Variants in STARD9 observed in about 807,000 individuals in gnomAD.
STARD9 encodes the protein stAR-related lipid transfer protein 9.
In STARD9, 346 loss-of-function variants were observed where a neutral mutation model predicts 399.8. The ratio of observed to expected loss-of-function variants is 0.87; its 90% CI spans 0.79 to 0.95. The LOEUF is 0.95. STARD9 is among the 40% of genes least tolerant of loss of function. STARD9 has a pLI of 0.00. For missense variants in STARD9, 5,832 were observed against 5,667.5 expected (o/e 1.03, Z -0.93); for synonymous variants, 2,203 against 2,143.5 (o/e 1.03, Z -0.77).
chr15:42,577,450 G>A (rs2058081372), intron 1 of STARD9, among the ~76,000 whole-genome samples: 1 of 152,212 alleles, frequency 6.6e-6, no homozygotes. Flanking sequence ...ACTGCGCCCA[G>A]CCGGACACTA....
At chr15:42,676,117 A>T in intron 20 of STARD9, 142 bp downstream of exon 20, 2 of 692,462 alleles carry the variant, frequency 2.9e-6, no homozygotes, top group Non-Finnish European at 4.9e-6. Context: ...CAACTTGGGC[A>T]AGTCATTTGA....
At chr15:42,657,222 T>C (rs2142012263) in intron 9 of STARD9, among the ~76,000 whole-genome samples, 1 of 151,894 alleles carries the variant, frequency 6.6e-6, no homozygotes, top group South Asian at 2.1e-4. Flanking sequence ...TAGCCAGGCA[T>C]GGTGGTGAGC....
chr15:42,624,438 T>C (rs1222284325), intron 3 of STARD9, among the ~76,000 whole-genome samples: 2 of 148,340 alleles, frequency 1.3e-5, no homozygotes, highest in East Asian at 3.9e-4. Context: ...GAACATTAGA[T>C]ATATTATCTA....
At chr15:42,657,360 CAA>C (rs34831398) in intron 9 of STARD9, among the ~76,000 whole-genome samples, 3 of 101,528 alleles carry the variant, frequency 3.0e-5, no homozygotes, top group African/African-American at 3.0e-5. Context: ...GATTCCGTCT[CAA>C]AAAAAAAAAA....
intron 1 of STARD9, chr15:42,581,538 C>G: frequency 2.4e-6 from 3 of 1,262,968 alleles, no homozygotes; most frequent in Non-Finnish European, 3.4e-6. Flanking sequence ...GCGGCGGCGC[C>G]GGGCCGGTCT....
chr15:42,644,097 C>T (rs573332319), intron 7 of STARD9, among the ~76,000 whole-genome samples: 2 of 152,060 alleles, frequency 1.3e-5, no homozygotes, highest in African/African-American at 4.8e-5. Context: ...CACAATAAAG[C>T]AAAAATCAAA....
chr15:42,690,690 G>T lies in STARD9; in HGVS notation c.9112G>T (p.Glu3038Ter). 6.5e-7 allele frequency: 1 copy of T among 1,537,226 alleles called. No individual in the cohort carries two copies. Among genetic ancestry groups the T allele is most frequent in the Non-Finnish European group, 8.7e-7 (1 of 1,146,902 alleles). ...KDVNREFRLT[E>*]SSTCEPSTVA... Reference sequence around the variant, plus strand: ...TGTTAACAGGGAATTTAGGCTAACAGAGAGCAGCACTTGTGAGCCTTCTAC... The same window carrying T: ...TGTTAACAGGGAATTTAGGCTAACATAGAGCAGCACTTGTGAGCCTTCTAC... Residue 3038 changes from glutamate to a stop codon, truncating the protein, a stop_gained, in exon 23 of 33, where the codon GAG (glutamate) becomes TAG (stop). Transcript: ENST00000290607. LOFTEE classifies it high-confidence loss of function.
At chr15:42,603,851 A>G (rs1404517607) in intron 3 of STARD9, among the ~76,000 whole-genome samples, 1 of 152,024 alleles carries the variant, frequency 6.6e-6, no homozygotes, top group Non-Finnish European at 1.5e-5. Context: ...AAATACTTCA[A>G]TTCCTATCTT....
chr15:42,694,233 C>G lies in STARD9; in HGVS notation c.12655C>G (p.His4219Asp). The G allele has an allele frequency of 2.6e-6, 4 of 1,534,842 alleles. No individual in the cohort carries two copies. The highest frequency in any genetic ancestry group is 1.4e-5 in the African/African-American group (1 of 73,140). Residue 4219 changes from histidine (H) to aspartate (D), a missense_variant, in exon 23 of 33, where the codon CAT (histidine) becomes GAT (aspartate). His to Asp is a moderately conservative substitution (Grantham distance 81). This residue lies in a region of STARD9 where 5,828 missense variants were observed against 5,651.1 expected (regional missense o/e 1.03). Transcript: ENST00000290607. ...SVELTEAKLH[H>D]GFGEADALLQ... The stretch of plus-strand genomic sequence containing the variant: ...GGAACTCACAGAAGCGAAACTGCAC[C>G]ATGGCTTTGGGGAGGCCGATGCCCT...
At chr15:42,683,497 G>A (rs1238184227) in intron 22 of STARD9, among the ~76,000 whole-genome samples, 3 of 151,718 alleles carry the variant, frequency 2.0e-5, no homozygotes, top group Non-Finnish European at 4.4e-5. Flanking sequence ...CAATGTTATT[G>A]TGACAGCTAC....
At chr15:42,582,572 T>C (rs1294721001) in intron 1 of STARD9, among the ~76,000 whole-genome samples, 2 of 152,302 alleles carry the variant, frequency 1.3e-5, no homozygotes, top group East Asian at 1.9e-4. Context: ...TTGAGAAATA[T>C]ATTCTCAGGG....
intron 3 of STARD9, among the ~76,000 whole-genome samples, chr15:42,592,236 G>T (rs764325272): frequency 6.6e-6 from 1 of 152,150 alleles, no homozygotes; most frequent in South Asian, 2.1e-4. Flanking sequence ...TTGAACACAG[G>T]ATCATCTGAC....
intron 3 of STARD9, among the ~76,000 whole-genome samples, chr15:42,624,983 T>A (rs150050265): frequency 2.3e-3 from 346 of 152,332 alleles, no homozygotes; most frequent in Non-Finnish European, 3.8e-3. Flanking sequence ...CCCATAGAGA[T>A]AAGTAATATT....
chr15:42,643,913 GTTTC>G (rs1466783158), intron 7 of STARD9, among the ~76,000 whole-genome samples: 2 of 152,056 alleles, frequency 1.3e-5, no homozygotes, highest in Non-Finnish European at 2.9e-5. Flanking sequence ...TTAGAAGTGT[GTTTC>G]TTTATTTTTT....
Position 42,575,606 on chromosome 15 carries a change from A to G in STARD9, c.-110A>G. The G allele has an allele frequency of 8.0e-7, 1 of 1,249,166 alleles. No homozygotes were observed. Among genetic ancestry groups the G allele is most frequent in the Non-Finnish European group, 1.1e-6 (1 of 910,768 alleles). The allele number at this position is 1,249,166 out of a possible 1,614,324, so 77.4% of individuals were successfully genotyped here. A position where few individuals can be genotyped will look rare whatever the true frequency, so the allele number is the denominator to read the frequency against. On this transcript the variant is annotated 5_prime_UTR_variant, in exon 1 of 33. Transcript: ENST00000290607. ...CTCGCGTCCGCGCGGCGGCGTCCCCAGAGGCGCGTGGGGCGGGCGGGGCTG... is the reference window on the plus strand; with the variant it reads ...CTCGCGTCCGCGCGGCGGCGTCCCCGGAGGCGCGTGGGGCGGGCGGGGCTG...
At chr15:42,662,311 G>A (rs2060007740) in intron 10 of STARD9, among the ~76,000 whole-genome samples, 1 of 152,108 alleles carries the variant, frequency 6.6e-6, no homozygotes. Flanking sequence ...ACATAATATG[G>A]TACAGTATTC....
chr15:42,661,085 G>T, intron 9 of STARD9, 73 bp from the exon 10 acceptor site: 1 of 1,125,784 alleles, frequency 8.9e-7, no homozygotes, highest in South Asian at 1.3e-5. Flanking sequence ...ATATCACCTT[G>T]GTTAGAAGAG....
intron 1 of STARD9, among the ~76,000 whole-genome samples, chr15:42,577,410 C>G (rs2058080538): frequency 2.6e-5 from 4 of 152,276 alleles, no homozygotes; most frequent in Non-Finnish European, 5.9e-5. Flanking sequence ...GCCTGGGCCT[C>G]CCAAAGTGCT....
intron 3 of STARD9, among the ~76,000 whole-genome samples, chr15:42,602,008 G>A (rs1044357402): frequency 2.0e-5 from 3 of 152,120 alleles, no homozygotes; most frequent in Admixed American, 6.5e-5. Context: ...CACCACGCCC[G>A]GCTCGTTTTT....
Sources: allele counts gnomAD v4.1 joint callset (sites outside exome capture counted in the v4.1 genomes callset), GRCh38; gene constraint gnomAD v4.1.1; regional missense constraint gnomAD v4.1.1; transcripts MANE v1.5; gene names NCBI Gene and HGNC (gene_info 2026-07-23, HGNC 2026-07-21).